The following NMT2 variants were observed in gnomAD, a reference collection of about 807,000 sequenced individuals.
The protein encoded by NMT2 is glycylpeptide N-tetradecanoyltransferase 2.
NMT2 carries 35 observed loss-of-function variants against 65.4 expected under a neutral mutation model. The ratio of observed to expected loss-of-function variants is 0.54; its 90% CI spans 0.41 to 0.71. NMT2 has a LOEUF of 0.71. Among genes scored for constraint, NMT2 ranks in the 30% least tolerant of loss-of-function variants. The probability of loss-of-function intolerance (pLI) is 0.00; values close to 1 mark genes in which losing one functional copy is unlikely to be tolerated. For missense variants in NMT2, 489 were observed against 611.3 expected (o/e 0.80, Z 2.11); for synonymous variants, 226 against 231.8 (o/e 0.98, Z 0.23).
At chr10:15,166,740 G>A (rs748583708) in intron 1 of NMT2, among the ~76,000 whole-genome samples, 5 of 152,152 alleles carry the variant, frequency 3.3e-5, no homozygotes, top group Non-Finnish European at 7.3e-5. Flanking sequence ...TATAAAATGT[G>A]CTGATATACA....
intron 8 of NMT2, among the ~76,000 whole-genome samples, chr10:15,119,965 G>A (rs74125509): frequency 0.036 from 5,533 of 152,248 alleles, 184 homozygotes; most frequent in African/African-American, 0.081. Context: ...GCAGCCCTCC[G>A]TATCCACTGG....
At chr10:15,143,173 G>C (rs1846834816) in intron 1 of NMT2, among the ~76,000 whole-genome samples, 1 of 152,158 alleles carries the variant, frequency 6.6e-6, no homozygotes, top group South Asian at 2.1e-4. Flanking sequence ...AGCTACCATT[G>C]TTTCAACCTC....
chr10:15,135,775 T>TG (rs201720742), intron 2 of NMT2, among the ~76,000 whole-genome samples: 7,190 of 150,724 alleles, frequency 0.048, 186 homozygotes, highest in East Asian at 0.098. Flanking sequence ...CCACGAGCCT[T>TG]GGGTGGGGGG....
chr10:15,112,985 G>A, intron 9 of NMT2, 22 bp from the exon 10 acceptor site: 1 of 1,612,342 alleles, frequency 6.2e-7, no homozygotes, highest in Non-Finnish European at 8.5e-7. Flanking sequence ...AGTGCTGTCA[G>A]ACAGAGATCT....
intron 1 of NMT2, among the ~76,000 whole-genome samples, chr10:15,163,297 G>A (rs1415214666): frequency 6.6e-6 from 1 of 152,162 alleles, no homozygotes; most frequent in Non-Finnish European, 1.5e-5. Context: ...CTTGAACTTG[G>A]AGTAGAACTT....
intron 1 of NMT2, among the ~76,000 whole-genome samples, chr10:15,155,748 C>T (rs189801327): frequency 6.6e-6 from 1 of 152,092 alleles, no homozygotes; most frequent in African/African-American, 2.4e-5. Flanking sequence ...TTCACCTTTT[C>T]ACTTAAGAAA....
chr10:15,111,212 A>T (rs1018174374), intron 10 of NMT2, among the ~76,000 whole-genome samples: 7 of 151,990 alleles, frequency 4.6e-5, no homozygotes, highest in Non-Finnish European at 7.4e-5. Flanking sequence ...AGTTGTAAAG[A>T]CTTTAAATAG....
At chr10:15,155,107 T>G in intron 1 of NMT2, 1 of 1,449,492 alleles carries the variant, frequency 6.9e-7, no homozygotes, top group Non-Finnish European at 9.7e-7. Flanking sequence ...TTGCCACCAG[T>G]GCCATTATGG....
intron 1 of NMT2, among the ~76,000 whole-genome samples, chr10:15,166,112 T>A (rs1238177665): frequency 6.6e-6 from 1 of 152,208 alleles, no homozygotes; most frequent in African/African-American, 2.4e-5. Context: ...ACTTACATTT[T>A]GGTGCAAAAC....
chr10:15,139,866 T>C lies in NMT2; in HGVS notation c.246+1556A>G, dbSNP rs1309700272. The stretch of plus-strand genomic sequence containing the variant: ...GCTTGTAGAATGGTAACAACTACTA[T>C]ATATATATATATATATATATATATA... On this transcript the variant is annotated intron_variant, in intron 2 of 11. Transcript: ENST00000378165. 38 of 4,784 alleles carry C rather than the reference T, an allele frequency of 7.9e-3. 1 individual carries two copies. Among genetic ancestry groups the C allele is most frequent in the Middle Eastern group, 0.1 (1 of 10 alleles). The allele number at this position is 4,784 out of a possible 1,614,324, so 0.3% of individuals were successfully genotyped here. A position where few individuals can be genotyped will look rare whatever the true frequency, so the allele number is the denominator to read the frequency against.
In NMT2 at chr10:15,106,943, A is replaced by C. The variant is rs546405872; in HGVS notation, c.*2252T>G. ...TAGCAAGACCTTGTCTCTACAAAAA[A>C]TGAAAAACTTAGCCAGGCGTGGTGG... On this transcript the variant is annotated 3_prime_UTR_variant, in exon 12 of 12. Transcript: ENST00000378165. Among the ~76,000 whole-genome samples, 1 of 152,306 alleles carries C rather than the reference A, an allele frequency of 6.6e-6. No homozygotes were observed. Among genetic ancestry groups the C allele is most frequent in the African/African-American group, 2.4e-5 (1 of 41,568 alleles).
chr10:15,119,635 C>G, intron 8 of NMT2, 122 bp from the exon 9 acceptor site: 1 of 717,876 alleles, frequency 1.4e-6, no homozygotes, highest in South Asian at 1.8e-5. Flanking sequence ...CTAGTTAGAG[C>G]TGCAGAGCCT....
chr10:15,138,312 T>C, intron 2 of NMT2: 2 of 469,872 alleles, frequency 4.3e-6, no homozygotes, highest in Non-Finnish European at 8.8e-6. Context: ...CATACGGCTC[T>C]ATTTAAATGC....
intron 9 of NMT2, 129 bp downstream of exon 9, chr10:15,119,214 A>G (rs1357627418): frequency 1.2e-6 from 1 of 809,014 alleles, no homozygotes; most frequent in East Asian, 2.4e-5. Context: ...TTAACTCTCT[A>G]CCCTTTAGTA....
intron 7 of NMT2, among the ~76,000 whole-genome samples, chr10:15,129,036 A>G (rs1384428202): frequency 3.3e-5 from 5 of 152,218 alleles, no homozygotes; most frequent in Middle Eastern, 3.4e-3. Flanking sequence ...TATTAATCAT[A>G]CCCAGGTTTC....
At chr10:15,121,786 T>G (rs1359787781) in intron 8 of NMT2, among the ~76,000 whole-genome samples, 1 of 152,192 alleles carries the variant, frequency 6.6e-6, no homozygotes, top group Non-Finnish European at 1.5e-5. Flanking sequence ...GAAAGGGGAA[T>G]GGGAGGTGCA....
downstream of NMT2, among the ~76,000 whole-genome samples, chr10:15,105,769 A>G (rs79302521): frequency 0.028 from 4,220 of 152,334 alleles, 182 homozygotes; most frequent in African/African-American, 0.093. Flanking sequence ...GAAACTATCC[A>G]TTGCATTTCA....
chr10:15,152,650 T>C (rs1187963544), intron 1 of NMT2, among the ~76,000 whole-genome samples: 7 of 152,240 alleles, frequency 4.6e-5, no homozygotes, highest in Non-Finnish European at 7.3e-5. Flanking sequence ...GGACAAAGTA[T>C]GTACTTGTCA....
Position 15,127,867 on chromosome 10 carries a change from C to T in NMT2, c.999+483G>A, listed in dbSNP as rs114807606. On this transcript the variant is annotated intron_variant, in intron 8 of 11. Transcript: ENST00000378165. ...GCAGTGAGCTGAGATTGTGCCATTG[C>T]GCTGAAGGGGCAACAGAGCAAGACT... Among the ~76,000 whole-genome samples the T allele has an allele frequency of 8.9e-3, 1,330 of 149,620 alleles. 17 individuals carry two copies. Among genetic ancestry groups the T allele is most frequent in the African/African-American group, 0.03 (1,224 of 40,324 alleles).
Sources: allele counts gnomAD v4.1 joint callset (sites outside exome capture counted in the v4.1 genomes callset), GRCh38; gene constraint gnomAD v4.1.1; transcripts MANE v1.5; gene names NCBI Gene and HGNC (gene_info 2026-07-23, HGNC 2026-07-21).